PDE1C: variants seen among roughly 807,000 people sequenced by gnomAD.
The protein encoded by PDE1C is phosphodiesterase 1C.
Under a neutral mutation model 93.1 loss-of-function variants are expected in PDE1C, and 62 were observed. The observed-to-expected ratio is 0.67, with a 90% CI of 0.54 to 0.82. The LOEUF is 0.82. PDE1C is among the 40% of genes least tolerant of loss of function. The pLI, the probability that PDE1C is intolerant of heterozygous loss-of-function variation, is 0.00. For synonymous variants in PDE1C, 325 were observed against 310.1 expected (o/e 1.05, Z -0.50); for missense variants, 742 against 884.6 (o/e 0.84, Z 2.04).
intron 2 of PDE1C, among the ~76,000 whole-genome samples, chr7:31,920,101 C>A (rs554313443): frequency 1.3e-5 from 2 of 152,314 alleles, no homozygotes; most frequent in South Asian, 4.1e-4. Context: ...ATCAACCAAT[C>A]TTCTGGGCAT....
chr7:31,851,096 ACACAT>A (rs1288201842), intron 7 of PDE1C, among the ~76,000 whole-genome samples: 3 of 1,724 alleles, frequency 1.7e-3, no homozygotes, highest in Non-Finnish European at 4.4e-3. Flanking sequence ...ACACACACAC[ACACAT>A]AAAAAAATTA....
At chr7:31,657,040 T>TAC in the PDE1C span, among the ~76,000 whole-genome samples, 278 of 147,282 alleles carry the variant, frequency 1.9e-3, 1 homozygote, top group Middle Eastern at 7.2e-3. Context: ...TGTATGTGTA[T>TAC]ACACACACAC....
the PDE1C span, among the ~76,000 whole-genome samples, chr7:31,725,717 G>T: frequency 4.0e-4 from 61 of 152,010 alleles, no homozygotes; most frequent in Non-Finnish European, 7.4e-4. Flanking sequence ...CTGGGTGAAG[G>T]GTATATGGGA....
chr7:32,058,436 GATAAAATGTCACAA>G (rs1294671571), intron 1 of PDE1C, among the ~76,000 whole-genome samples: 2 of 152,204 alleles, frequency 1.3e-5, no homozygotes, highest in Non-Finnish European at 2.9e-5. Flanking sequence ...AGTGGACTGA[GATAAAATGTCACAA>G]ATAACCATGA....
intron 3 of PDE1C, among the ~76,000 whole-genome samples, chr7:32,104,755 A>G (rs1257046321): frequency 6.6e-6 from 1 of 152,234 alleles, no homozygotes; most frequent in East Asian, 1.9e-4. Flanking sequence ...ACGGTGCTAC[A>G]CGCATGTATT....
At chr7:31,730,757 T>C in the PDE1C span, among the ~76,000 whole-genome samples, 1 of 151,950 alleles carries the variant, frequency 6.6e-6, no homozygotes. Flanking sequence ...ACCATGGCTA[T>C]GCATCGGAGA....
chr7:31,948,301 G>C lies in PDE1C; in HGVS notation c.129-67441C>G, dbSNP rs143467283. Among the ~76,000 whole-genome samples the C allele has an allele frequency of 2.6e-5, 4 of 152,312 alleles. No individual in the cohort carries two copies. In the East Asian group the frequency reaches 7.7e-4, roughly 29 times the overall value. On this transcript the variant is annotated intron_variant, in intron 2 of 17. Coordinates refer to ENST00000396191, the MANE Select transcript of PDE1C (RefSeq NM_001191057.4). Reference sequence around the variant, plus strand: ...ACTTGACTAACAGAAACTCTCTTATGTGGTAAACATAGATATCTTAGCTGG... The same window carrying C: ...ACTTGACTAACAGAAACTCTCTTATCTGGTAAACATAGATATCTTAGCTGG...
intron 1 of PDE1C, among the ~76,000 whole-genome samples, chr7:32,254,406 G>T (rs957248824): frequency 6.6e-6 from 1 of 152,066 alleles, no homozygotes; most frequent in Non-Finnish European, 1.5e-5. Flanking sequence ...TGTTGGCCCT[G>T]GTGGAAAAAG....
chr7:31,864,671 G>C (rs1431259872), intron 7 of PDE1C, among the ~76,000 whole-genome samples: 1 of 152,132 alleles, frequency 6.6e-6, no homozygotes, highest in African/African-American at 2.4e-5. Context: ...TACATATTTA[G>C]TTGTAGTCTT....
At chr7:32,078,197 A>G (rs1280106025) in intron 3 of PDE1C, among the ~76,000 whole-genome samples, 1 of 152,202 alleles carries the variant, frequency 6.6e-6, no homozygotes, top group Non-Finnish European at 1.5e-5. Flanking sequence ...GCTGAAAGGG[A>G]TCTTTATCCA....
At chr7:31,765,430 G>A (rs960510475) in intron 17 of PDE1C, among the ~76,000 whole-genome samples, 8 of 152,106 alleles carry the variant, frequency 5.3e-5, no homozygotes, top group Non-Finnish European at 1.2e-4. Flanking sequence ...ATCATATTTT[G>A]GAGATAACGC....
chr7:32,096,614 T>C (rs1240688684), intron 3 of PDE1C, among the ~76,000 whole-genome samples: 1 of 152,290 alleles, frequency 6.6e-6, no homozygotes, highest in African/African-American at 2.4e-5. Flanking sequence ...TGAACACTAT[T>C]ACATAATAAT....
intron 3 of PDE1C, among the ~76,000 whole-genome samples, chr7:32,108,313 T>G (rs1798452564): frequency 6.7e-6 from 1 of 148,538 alleles, no homozygotes; most frequent in Non-Finnish European, 1.5e-5. Context: ...TTACCTTCAT[T>G]GAGAGAAGGG....
At chr7:32,234,140 G>A (rs985062594) in intron 1 of PDE1C, among the ~76,000 whole-genome samples, 1 of 151,908 alleles carries the variant, frequency 6.6e-6, no homozygotes, top group Non-Finnish European at 1.5e-5. Context: ...TTTGTGGGAT[G>A]CAACTAAAGC....
chr7:31,656,948 G>A, the PDE1C span, among the ~76,000 whole-genome samples: 1 of 149,740 alleles, frequency 6.7e-6, no homozygotes, highest in African/African-American at 2.5e-5. Flanking sequence ...TGCTGATGCT[G>A]CCTCCAAATA....
At chr7:32,347,512 T>C (rs192930446) in intron 1 of PDE1C, among the ~76,000 whole-genome samples, 1 of 152,094 alleles carries the variant, frequency 6.6e-6, no homozygotes, top group Non-Finnish European at 1.5e-5. Flanking sequence ...GGTAAAGGTG[T>C]TTTGTAAATG....
chr7:32,178,419 T>C (rs1479994179), intron 2 of PDE1C, among the ~76,000 whole-genome samples: 1 of 152,046 alleles, frequency 6.6e-6, no homozygotes, highest in East Asian at 1.9e-4. Context: ...AAATGAAAAA[T>C]AAAAACTCCC....
intron 1 of PDE1C, among the ~76,000 whole-genome samples, chr7:32,223,509 T>A (rs1336809846): frequency 2.0e-5 from 3 of 152,332 alleles, no homozygotes; most frequent in African/African-American, 7.2e-5. Flanking sequence ...GCTCATCGCT[T>A]GCACAGCTGC....
intron 1 of PDE1C, among the ~76,000 whole-genome samples, chr7:32,371,543 G>A (rs983372658): frequency 1.3e-5 from 2 of 152,150 alleles, no homozygotes; most frequent in Non-Finnish European, 2.9e-5. Flanking sequence ...TGAATGAAGG[G>A]CATGGATGGG....
Sources: allele counts gnomAD v4.1 joint callset (sites outside exome capture counted in the v4.1 genomes callset), GRCh38; gene constraint gnomAD v4.1.1; transcripts MANE v1.5; gene names NCBI Gene and HGNC (gene_info 2026-07-23, HGNC 2026-07-21).